Variants in GRHL2 observed in about 807,000 individuals in gnomAD.
The protein encoded by GRHL2 is grainyhead-like protein 2 homolog.
A neutral mutation model predicts 83.8 loss-of-function variants in GRHL2; 21 were observed. The observed-to-expected ratio is 0.25, with a 90% CI of 0.18 to 0.36. The LOEUF is 0.36. GRHL2 is among the 10% of genes least tolerant of loss of function. The pLI, the probability that GRHL2 is intolerant of heterozygous loss-of-function variation, is 1.00. For missense variants in GRHL2, 623 were observed against 781.8 expected, an observed-to-expected ratio of 0.80 and a Z score of 2.42; for synonymous variants, 280 against 278.9, an observed-to-expected ratio of 1.00 and a Z score of -0.04.
At chr8:101,609,105 A>G (rs1196492518) in intron 8 of GRHL2, among the ~76,000 whole-genome samples, 1 of 150,454 alleles carries the variant, frequency 6.6e-6, no homozygotes, top group Non-Finnish European at 1.5e-5. Flanking sequence ...TGGGCAAAAC[A>G]GGGTGAAGTA....
intron 8 of GRHL2, among the ~76,000 whole-genome samples, chr8:101,619,103 A>G (rs1411811967): frequency 1.3e-5 from 2 of 152,104 alleles, no homozygotes; most frequent in East Asian, 1.9e-4. Context: ...AATACAAAAA[A>G]TTAGCCAGAC....
At chr8:101,637,239 T>C (rs922893495) in intron 12 of GRHL2, among the ~76,000 whole-genome samples, 5 of 152,158 alleles carry the variant, frequency 3.3e-5, no homozygotes, top group African/African-American at 1.2e-4. Context: ...ATCCAGTTGG[T>C]GAAATCTTCT....
Position 101,492,487 on chromosome 8 carries a change from C to T in GRHL2, c.-283C>T. ...AAGTCCGCCACTTTCTGCTCTGTGTCTGCCCATTGCCACGATCCAGGAGGA... is the reference window on the plus strand; with the variant it reads ...AAGTCCGCCACTTTCTGCTCTGTGTTTGCCCATTGCCACGATCCAGGAGGA... On this transcript the variant is annotated 5_prime_UTR_variant, in exon 1 of 16. Coordinates refer to ENST00000646743, the MANE Select transcript of GRHL2 (RefSeq NM_024915.4). The T allele has an allele frequency of 5.3e-6, 3 of 568,792 alleles. No homozygotes were observed. The South Asian group carries it at 6.0e-5, about 11-fold the overall frequency. 35.2% of individuals were successfully genotyped at this position (568,792 alleles called of 1,614,324 possible).
intron 7 of GRHL2, among the ~76,000 whole-genome samples, chr8:101,595,817 G>C (rs965924792): frequency 6.6e-6 from 1 of 152,016 alleles, no homozygotes; most frequent in Non-Finnish European, 1.5e-5. Flanking sequence ...ATAAATAAAT[G>C]CATTTTTAAA....
At chr8:101,572,735 G>C (rs907756676) in intron 5 of GRHL2, among the ~76,000 whole-genome samples, 41 of 152,170 alleles carry the variant, frequency 2.7e-4, no homozygotes, top group Admixed American at 2.6e-3. Flanking sequence ...CATACCTGTT[G>C]TGTTATTTTA....
intron 12 of GRHL2, among the ~76,000 whole-genome samples, chr8:101,643,753 T>G (rs1323093624): frequency 6.6e-6 from 1 of 152,218 alleles, no homozygotes; most frequent in Non-Finnish European, 1.5e-5. Flanking sequence ...CTCAGCTGGT[T>G]GGGAGGGGAC....
downstream of GRHL2, among the ~76,000 whole-genome samples, chr8:101,670,623 T>A (rs16868197): frequency 2.6e-4 from 40 of 152,164 alleles, no homozygotes; most frequent in Non-Finnish European, 4.7e-4. Flanking sequence ...TCTCCCCAGC[T>A]GTCCAAGTAG....
chr8:101,552,644 C>G (rs777102545), intron 2 of GRHL2, 71 bp from the exon 3 acceptor site: 1 of 1,415,460 alleles, frequency 7.1e-7, no homozygotes, highest in Non-Finnish European at 1.0e-6. Context: ...TTGCTTATGC[C>G]GGTGTCCAGC....
chr8:101,678,094 T>C, the GRHL2 span, among the ~76,000 whole-genome samples: 1 of 152,140 alleles, frequency 6.6e-6, no homozygotes, highest in Non-Finnish European at 1.5e-5. Flanking sequence ...AGGTCCGGAA[T>C]AGGAACAGCT....
intron 1 of GRHL2, among the ~76,000 whole-genome samples, chr8:101,526,727 G>T (rs1466573954): frequency 6.6e-6 from 1 of 152,000 alleles, no homozygotes; most frequent in African/African-American, 2.4e-5. Flanking sequence ...AAAGCAGCTA[G>T]TTTCAACTCC....
chr8:101,504,930 G>C (rs1173776426), intron 1 of GRHL2, among the ~76,000 whole-genome samples: 1 of 148,572 alleles, frequency 6.7e-6, no homozygotes, highest in South Asian at 2.1e-4. Context: ...ACTTGCTGGG[G>C]AAACTGGCCT....
At position 101,586,538 on chromosome 8, in the gene GRHL2, C is replaced by T. The variant is rs118065034; in HGVS notation, c.1003+9019C>T. On this transcript the variant is annotated intron_variant, in intron 7 of 15. Coordinates refer to ENST00000646743, the MANE Select transcript of GRHL2 (RefSeq NM_024915.4). ...TAGAGTCCACTGTTCCCTCTGCAGG[C>T]TTTGGTTTAGATCTAAACAATAGCA... 2.1e-3 allele frequency among the ~76,000 whole-genome samples: 319 copies of T among 152,284 alleles called. 6 individuals are homozygous for T. The East Asian group carries it at 0.052, about 25-fold the overall frequency.
At chr8:101,653,720 A>T (rs10955268) in intron 14 of GRHL2, among the ~76,000 whole-genome samples, 2 of 150,974 alleles carry the variant, frequency 1.3e-5, no homozygotes, top group African/African-American at 4.9e-5. Flanking sequence ...CCAGACTGGG[A>T]GAGAGTGACT....
At chr8:101,592,384 C>T (rs535329588) in intron 7 of GRHL2, among the ~76,000 whole-genome samples, 2 of 152,190 alleles carry the variant, frequency 1.3e-5, no homozygotes, top group African/African-American at 4.8e-5. Context: ...ATTACAGGCA[C>T]GAGCCACCAT....
chr8:101,539,901 A>G (rs1382491059), intron 1 of GRHL2, among the ~76,000 whole-genome samples: 1 of 152,108 alleles, frequency 6.6e-6, no homozygotes, highest in East Asian at 1.9e-4. Flanking sequence ...TCTCACACGC[A>G]TGGCCCTGTG....
At chr8:101,526,872 AT>A in intron 1 of GRHL2, among the ~76,000 whole-genome samples, 1 of 152,348 alleles carries the variant, frequency 6.6e-6, no homozygotes, top group South Asian at 2.1e-4. Flanking sequence ...TGTGAGGTTA[AT>A]AAAATTAATA....
intron 1 of GRHL2, among the ~76,000 whole-genome samples, chr8:101,525,706 T>C (rs1810789731): frequency 6.6e-6 from 1 of 152,134 alleles, no homozygotes; most frequent in Admixed American, 6.5e-5. Context: ...TGGTGGCTCA[T>C]GCCTGTAATC....
chr8:101,581,071 C>A (rs1812043739), intron 7 of GRHL2, among the ~76,000 whole-genome samples: 1 of 152,210 alleles, frequency 6.6e-6, no homozygotes, highest in Non-Finnish European at 1.5e-5. Context: ...CAGCCTCTAG[C>A]CAGTTCTTGG....
At chr8:101,629,412 T>C (rs1433699792) in intron 9 of GRHL2, among the ~76,000 whole-genome samples, 3 of 152,026 alleles carry the variant, frequency 2.0e-5, no homozygotes, top group Non-Finnish European at 2.9e-5. Context: ...AACCTCTCTA[T>C]GCACTGGGGA....
Sources: allele counts gnomAD v4.1 joint callset (sites outside exome capture counted in the v4.1 genomes callset), GRCh38; gene constraint gnomAD v4.1.1; transcripts MANE v1.5; gene names NCBI Gene and HGNC (gene_info 2026-07-23, HGNC 2026-07-21).